The following SNX29 variants were observed in gnomAD, a reference collection of about 807,000 sequenced individuals.
The protein encoded by SNX29 is sorting nexin-29.
In SNX29, 78 loss-of-function variants were observed where a neutral mutation model predicts 102.1. The ratio of observed to expected loss-of-function variants is 0.76; its 90% CI spans 0.64 to 0.92. The LOEUF (loss-of-function observed/expected upper bound fraction) is 0.92, where lower values mean the gene tolerates loss of function less well. Ranked by LOEUF, SNX29 falls within the 40% of genes least tolerant of loss-of-function variation. The probability of loss-of-function intolerance (pLI) is 0.00; values close to 1 mark genes in which losing one functional copy is unlikely to be tolerated. For missense variants in SNX29, 1,280 were observed against 1,061.7 expected, an observed-to-expected ratio of 1.21 and a Z score of -2.86; for synonymous variants, 580 against 414.5, an observed-to-expected ratio of 1.40 and a Z score of -4.85.
At chr16:12,255,898 G>A (rs932928921) in intron 14 of SNX29, among the ~76,000 whole-genome samples, 2 of 152,246 alleles carry the variant, frequency 1.3e-5, no homozygotes, top group South Asian at 2.1e-4. Context: ...ATATGCAGTA[G>A]TGGGATTGCT....
intron 20 of SNX29, among the ~76,000 whole-genome samples, chr16:12,539,961 GAGT>G: frequency 6.6e-6 from 1 of 152,192 alleles, no homozygotes; most frequent in Non-Finnish European, 1.5e-5. Flanking sequence ...TCGAACATGT[GAGT>G]TGCACATATT....
At chr16:12,286,188 C>T (rs368591623) in intron 15 of SNX29, among the ~76,000 whole-genome samples, 1 of 151,418 alleles carries the variant, frequency 6.6e-6, no homozygotes, top group East Asian at 1.9e-4. Flanking sequence ...GGATTGAGAC[C>T]AGGCTCTTAC....
Position 12,378,945 on chromosome 16 carries a change from T to C in SNX29, c.1900-19501T>C, listed in dbSNP as rs540997373. 5.3e-5 allele frequency among the ~76,000 whole-genome samples: 8 copies of C among 152,258 alleles called. No homozygotes were observed. In the South Asian group the frequency reaches 1.7e-3, roughly 32 times the overall value. Reference sequence around the variant, plus strand: ...ATTCACTCTGAACCATGTTAGTTAATTGACCCATCCTGAACCAGTTACTAC... The same window carrying C: ...ATTCACTCTGAACCATGTTAGTTAACTGACCCATCCTGAACCAGTTACTAC... On this transcript the variant is annotated intron_variant, in intron 16 of 20. Transcript: ENST00000566228.
At chr16:12,538,739 A>G (rs1306813886) in intron 20 of SNX29, among the ~76,000 whole-genome samples, 2 of 152,332 alleles carry the variant, frequency 1.3e-5, no homozygotes, top group African/African-American at 2.4e-5. Flanking sequence ...CAGGAGAAGC[A>G]CACCCATATG....
chr16:12,554,413 A>G (rs756254542), intron 20 of SNX29, among the ~76,000 whole-genome samples: 1 of 152,110 alleles, frequency 6.6e-6, no homozygotes. Flanking sequence ...CGTCTTCTGT[A>G]ATGTCAGCGT....
chr16:12,530,501 T>C (rs532996899), intron 20 of SNX29, among the ~76,000 whole-genome samples: 1 of 152,156 alleles, frequency 6.6e-6, no homozygotes, highest in Non-Finnish European at 1.5e-5. Context: ...AATATTTATG[T>C]AAGTCAAATA....
At chr16:12,308,569 G>A (rs943076081) in intron 15 of SNX29, among the ~76,000 whole-genome samples, 2 of 152,068 alleles carry the variant, frequency 1.3e-5, no homozygotes, top group African/African-American at 4.8e-5. Flanking sequence ...CACTCCTCCG[G>A]AGTGCCTTCC....
chr16:12,122,717 G>A (rs2054028752), intron 11 of SNX29, among the ~76,000 whole-genome samples: 1 of 152,282 alleles, frequency 6.6e-6, no homozygotes, highest in Non-Finnish European at 1.5e-5. Context: ...TGTGTGCAGG[G>A]TGGAAGCGGT....
chr16:12,358,955 C>G (rs945610462), intron 16 of SNX29, among the ~76,000 whole-genome samples: 9 of 152,198 alleles, frequency 5.9e-5, no homozygotes, highest in Non-Finnish European at 1.3e-4. Flanking sequence ...TTGTAATATC[C>G]TTTATAATCA....
chr16:12,049,815 C>T (rs1239739679), intron 7 of SNX29, among the ~76,000 whole-genome samples: 1 of 152,126 alleles, frequency 6.6e-6, no homozygotes, highest in Middle Eastern at 3.4e-3. Flanking sequence ...CAGGGTCTTG[C>T]CATGTTGCCC....
At chr16:12,446,692 A>G (rs1170783632) in intron 18 of SNX29, among the ~76,000 whole-genome samples, 2 of 152,168 alleles carry the variant, frequency 1.3e-5, no homozygotes, top group East Asian at 1.9e-4. Flanking sequence ...GTGCCTTGTT[A>G]GGTATACTCA....
intron 14 of SNX29, among the ~76,000 whole-genome samples, chr16:12,220,807 T>G (rs1283367313): frequency 6.6e-6 from 1 of 152,220 alleles, no homozygotes; most frequent in Non-Finnish European, 1.5e-5. Context: ...ACAGTTCCTG[T>G]GATGGGTGTA....
chr16:12,561,462 C>G (rs1320301792), intron 20 of SNX29, among the ~76,000 whole-genome samples: 1 of 152,134 alleles, frequency 6.6e-6, no homozygotes, highest in Non-Finnish European at 1.5e-5. Flanking sequence ...AAGGCAGCTC[C>G]TAGTAAGTGG....
At chr16:12,539,435 T>C (rs190049884) in intron 20 of SNX29, among the ~76,000 whole-genome samples, 8 of 152,316 alleles carry the variant, frequency 5.3e-5, no homozygotes, top group Admixed American at 3.3e-4. Context: ...GCAGTGTTTT[T>C]ATTACTGAGC....
intron 18 of SNX29, among the ~76,000 whole-genome samples, chr16:12,467,816 A>C (rs1455523526): frequency 2.0e-5 from 3 of 152,164 alleles, no homozygotes; most frequent in Non-Finnish European, 4.4e-5. Context: ...AAACAGGTCT[A>C]CCTAGCATGC....
intron 20 of SNX29, among the ~76,000 whole-genome samples, chr16:12,554,963 G>A (rs1161493576): frequency 1.3e-5 from 2 of 151,970 alleles, no homozygotes. Context: ...CAATGGAGGT[G>A]GTGAGGGGGG....
intron 13 of SNX29, among the ~76,000 whole-genome samples, chr16:12,161,337 G>A (rs752486966): frequency 1.3e-5 from 2 of 152,146 alleles, no homozygotes; most frequent in African/African-American, 2.4e-5. Flanking sequence ...GAGGTTCCCC[G>A]ACCTCTGACT....
At chr16:12,169,182 T>C (rs770800007) in intron 13 of SNX29, among the ~76,000 whole-genome samples, 2 of 152,222 alleles carry the variant, frequency 1.3e-5, no homozygotes, top group African/African-American at 2.4e-5. Context: ...TTGTTTGGTA[T>C]GTGAATTGTA....
chr16:12,313,151 C>A (rs976025306), intron 15 of SNX29, among the ~76,000 whole-genome samples: 1 of 151,836 alleles, frequency 6.6e-6, no homozygotes, highest in Non-Finnish European at 1.5e-5. Context: ...GTAGCTGGGA[C>A]TATAGGCGCC....
Sources: allele counts gnomAD v4.1 joint callset (sites outside exome capture counted in the v4.1 genomes callset), GRCh38; gene constraint gnomAD v4.1.1; transcripts MANE v1.5; gene names NCBI Gene and HGNC (gene_info 2026-07-23, HGNC 2026-07-21).